Variants in EDA observed in about 807,000 individuals in gnomAD.
EDA encodes the protein ectodysplasin A, also known as ectodysplasin-A.
Under a neutral mutation model 23.6 loss-of-function variants are expected in EDA, and 2 were observed. The ratio of observed to expected loss-of-function variants is 0.08; its 90% CI spans 0.03 to 0.27. The LOEUF is 0.27. Ranked by LOEUF, EDA falls within the 10% of genes least tolerant of loss-of-function variation. The pLI is 1.00. For synonymous variants in EDA, 131 were observed against 132.0 expected, an observed-to-expected ratio of 0.99 and a Z score of 0.05; for missense variants, 229 against 324.2, an observed-to-expected ratio of 0.71 and a Z score of 2.26.
At chrX:69,633,541 C>T (rs954207845) in intron 1 of EDA, among the ~76,000 whole-genome samples, 2 of 111,986 alleles carry the variant, frequency 1.8e-5, no homozygotes, top group African/African-American at 6.5e-5. Flanking sequence ...CCTCTATCAA[C>T]CACTAATCTA....
intron 1 of EDA, among the ~76,000 whole-genome samples, chrX:69,794,020 A>G (rs1239933659): frequency 9.0e-6 from 1 of 111,654 alleles, no homozygotes; most frequent in African/African-American, 3.3e-5. Context: ...TCCTGCATTT[A>G]TTCACTCAAC....
At chrX:69,644,819 G>A (rs751250226) in intron 1 of EDA, among the ~76,000 whole-genome samples, 6 of 111,367 alleles carry the variant, frequency 5.4e-5, no homozygotes, top group Admixed American at 9.6e-5. Flanking sequence ...AGATTTTAAC[G>A]TGAAGGGATG....
At chrX:69,661,929 G>A (rs999058934) in intron 1 of EDA, among the ~76,000 whole-genome samples, 2 of 111,899 alleles carry the variant, frequency 1.8e-5, no homozygotes, top group Non-Finnish European at 3.8e-5. Context: ...ACAAACTAAT[G>A]TATCCATCAT....
chrX:69,934,574 T>C (rs2147680173), intron 1 of EDA, among the ~76,000 whole-genome samples: 1 of 111,787 alleles, frequency 8.9e-6, no homozygotes, highest in East Asian at 2.8e-4. Context: ...CCCTCTACTA[T>C]TGTCTTCATT....
intron 1 of EDA, among the ~76,000 whole-genome samples, chrX:69,665,193 T>C (rs1275956417): frequency 8.9e-6 from 1 of 112,515 alleles, no homozygotes; most frequent in Non-Finnish European, 1.9e-5. Flanking sequence ...ATGAGTTCTT[T>C]ATACATTTTG....
At chrX:69,798,264 A>G (rs2015589710) in intron 1 of EDA, among the ~76,000 whole-genome samples, 1 of 111,600 alleles carries the variant, frequency 9.0e-6, no homozygotes, top group Admixed American at 9.5e-5. Context: ...TTATCTAAAT[A>G]GAAAATCGAC....
Position 69,863,641 on chromosome X carries a change from A to G in EDA, c.397-93386A>G, listed in dbSNP as rs183192992. Among the ~76,000 whole-genome samples the G allele has an allele frequency of 9.4e-3, 633 of 67,487 alleles. 10 individuals are homozygous for G. The highest frequency in any genetic ancestry group is 0.029 in the African/African-American group (605 of 20,757). 58.6% of individuals were successfully genotyped at this position (67,487 alleles called of 115,157 possible). On this transcript the variant is annotated intron_variant, in intron 1 of 7. Transcript: ENST00000374552. ...TATGTGTGTATTTATGTGTGTGTGT[A>G]TATATGTATTTACACATATACATAT...
intron 2 of EDA, among the ~76,000 whole-genome samples, chrX:70,018,898 G>A (rs953619527): frequency 2.7e-5 from 3 of 111,835 alleles, no homozygotes; most frequent in Non-Finnish European, 5.6e-5. Flanking sequence ...TATCAACAGA[G>A]TAAACAGACA....
chrX:69,961,504 C>A lies in EDA; in HGVS notation c.502+4372C>A, dbSNP rs187606719. 5.4e-3 allele frequency among the ~76,000 whole-genome samples: 604 copies of A among 111,813 alleles called. 3 individuals are homozygous for A. The highest frequency in any genetic ancestry group is 0.014 in the Middle Eastern group (3 of 216). On this transcript the variant is annotated intron_variant, in intron 2 of 7. Transcript: ENST00000374552. ...ATTAGAGGCATAGCATACACATAGT[C>A]TATCTTGCCTTTTAAAAAGAAAGTC...
chrX:69,657,517 G>T (rs1249467082), intron 1 of EDA, among the ~76,000 whole-genome samples: 2 of 111,972 alleles, frequency 1.8e-5, no homozygotes, highest in African/African-American at 3.2e-5. Flanking sequence ...TGTTGCATTT[G>T]CTGTTGGGAT....
intron 1 of EDA, among the ~76,000 whole-genome samples, chrX:69,844,782 G>A (rs1352806084): frequency 8.9e-6 from 1 of 112,420 alleles, no homozygotes; most frequent in African/African-American, 3.2e-5. Flanking sequence ...GGCATGAAAT[G>A]AGTATGACGA....
intron 2 of EDA, among the ~76,000 whole-genome samples, chrX:69,988,135 A>G (rs1056753266): frequency 1.8e-5 from 2 of 112,126 alleles, no homozygotes; most frequent in African/African-American, 6.5e-5. Flanking sequence ...TGTTAAGTGA[A>G]TTAAGCCAGG....
intron 1 of EDA, among the ~76,000 whole-genome samples, chrX:69,778,295 CATT>C (rs2014843239): frequency 9.0e-6 from 1 of 111,363 alleles, no homozygotes; most frequent in African/African-American, 3.3e-5. Context: ...AAGCAAGAAT[CATT>C]ATACCAACAG....
At chrX:69,617,650 T>C (rs1932028129) in intron 1 of EDA, 2 of 305,409 alleles carry the variant, frequency 6.5e-6, no homozygotes, top group Non-Finnish European at 1.2e-5. Flanking sequence ...ACTGTCTTGG[T>C]TGCCATATGT....
rs770397072 is a variant in EDA at position 69,616,596 on chromosome X, C to A, written c.288C>A (p.Leu96=). The A allele has an allele frequency of 8.3e-7, 1 of 1,211,719 alleles. No homozygotes were observed. Among genetic ancestry groups the A allele is most frequent in the Non-Finnish European group, 1.1e-6 (1 of 895,406 alleles). ...GCACCCTAAGCAGCCTCGGTGGCCT[C>A]GACCCTGACAGCCCCATCACCAGTC... ...TSGTLSSLGG[L]DPDSPITSHL... is the part of the protein sequence containing the mutation. The change falls in exon 1 of 8, where the codon CTC becomes CTA. Residue 96 remains leucine, a synonymous_variant. Transcript: ENST00000374552.
At chrX:69,970,513 G>A (rs913579039) in intron 2 of EDA, among the ~76,000 whole-genome samples, 5 of 110,405 alleles carry the variant, frequency 4.5e-5, no homozygotes, top group Non-Finnish European at 7.6e-5. Flanking sequence ...TAGCTATTTC[G>A]TAGTTGAAAA....
At chrX:69,813,601 C>T (rs1168974228) in intron 1 of EDA, among the ~76,000 whole-genome samples, 1 of 111,890 alleles carries the variant, frequency 8.9e-6, no homozygotes, top group Admixed American at 9.5e-5. Flanking sequence ...TCTCCAGCAC[C>T]TAGTATAATG....
chrX:69,779,322 A>G (rs932806176), intron 1 of EDA, among the ~76,000 whole-genome samples: 7 of 111,965 alleles, frequency 6.3e-5, no homozygotes, highest in Admixed American at 2.8e-4. Context: ...TGATACACCC[A>G]TACAAAAGAA....
intron 1 of EDA, among the ~76,000 whole-genome samples, chrX:69,768,823 A>C (rs1227385117): frequency 9.0e-6 from 1 of 111,599 alleles, no homozygotes; most frequent in Admixed American, 9.5e-5. Flanking sequence ...GTTCTTTCCT[A>C]ACGTAGGCAT....
Sources: gnomAD v4.1 joint callset for allele counts (sites outside exome capture counted in the v4.1 genomes callset) on GRCh38, gnomAD v4.1.1 for gene constraint, MANE v1.5 for transcripts, NCBI Gene and HGNC (gene_info 2026-07-23, HGNC 2026-07-21) for gene names.